XPO6: variants seen among roughly 807,000 people sequenced by gnomAD.
XPO6 encodes the protein exportin-6.
In XPO6, 3 loss-of-function variants were observed where a neutral mutation model predicts 130.0. The ratio of observed to expected loss-of-function variants is 0.02; its 90% CI spans 0.01 to 0.06. The LOEUF is 0.06. XPO6 is among the 10% of genes least tolerant of loss of function. The probability of loss-of-function intolerance (pLI) is 1.00; values close to 1 mark genes in which losing one functional copy is unlikely to be tolerated. For synonymous variants in XPO6, 524 were observed against 548.9 expected (o/e 0.95, Z 0.63); for missense variants, 970 against 1,393.0 (o/e 0.70, Z 4.83).
intron 1 of XPO6, among the ~76,000 whole-genome samples, chr16:28,205,818 A>G (rs2044019886): frequency 1.3e-5 from 2 of 152,148 alleles, no homozygotes; most frequent in South Asian, 4.2e-4. Flanking sequence ...CGGGTGGATC[A>G]TGTGAGGTCA....
At chr16:28,107,439 C>T (rs2086810486) in intron 18 of XPO6, 83 bp downstream of exon 18, 4 of 1,515,170 alleles carry the variant, frequency 2.6e-6, no homozygotes, top group Non-Finnish European at 2.7e-6. Flanking sequence ...ACTGCACCGA[C>T]TCAGTGTGTT....
intron 23 of XPO6, 147 bp from the exon 24 acceptor site, chr16:28,098,786 T>C: frequency 1.8e-6 from 1 of 562,182 alleles, no homozygotes. Flanking sequence ...TTGCACTGCG[T>C]GTCACAGAGA....
chr16:28,164,987 C>T (rs1596915504), intron 6 of XPO6, among the ~76,000 whole-genome samples: 2 of 152,246 alleles, frequency 1.3e-5, no homozygotes, highest in African/African-American at 4.8e-5. Flanking sequence ...AAGGCTGAGG[C>T]GGGTGGATAG....
At chr16:28,144,924 G>A (rs1326527934) in intron 9 of XPO6, among the ~76,000 whole-genome samples, 2 of 152,128 alleles carry the variant, frequency 1.3e-5, no homozygotes, top group African/African-American at 2.4e-5. Context: ...GCGATTCCCC[G>A]TCATGGCTTC....
chr16:28,205,280 C>T (rs1331031738), intron 1 of XPO6, among the ~76,000 whole-genome samples: 2 of 152,192 alleles, frequency 1.3e-5, no homozygotes, highest in African/African-American at 2.4e-5. Context: ...ACGCACCCAA[C>T]AAATGTTTAT....
At position 28,211,374 on chromosome 16, in the gene XPO6, C is replaced by T; in HGVS notation, c.-6G>A. On this transcript the variant is annotated 5_prime_UTR_variant, in exon 1 of 24. Coordinates refer to ENST00000304658, the MANE Select transcript of XPO6 (RefSeq NM_015171.4). ...GCTCCAATTCCACTTACCATGCTGGCCGGGGAGGGGGCGGCTCAGATGAGC... is the reference window on the plus strand; with the variant it reads ...GCTCCAATTCCACTTACCATGCTGGTCGGGGAGGGGGCGGCTCAGATGAGC... The T allele has an allele frequency of 7.6e-7, 1 of 1,312,486 alleles. No individual in the cohort carries two copies. The highest frequency in any genetic ancestry group is 9.8e-7 in the Non-Finnish European group (1 of 1,021,658). 81.3% of individuals were successfully genotyped at this position (1,312,486 alleles called of 1,614,324 possible).
intron 3 of XPO6, among the ~76,000 whole-genome samples, chr16:28,176,763 C>A (rs2141863987): frequency 6.6e-6 from 1 of 151,990 alleles, no homozygotes; most frequent in East Asian, 1.9e-4. Context: ...CCCGCCTCGG[C>A]CTCCCAAAGT....
At chr16:28,138,941 T>C (rs2042833017) in intron 9 of XPO6, among the ~76,000 whole-genome samples, 2 of 152,206 alleles carry the variant, frequency 1.3e-5, no homozygotes, top group African/African-American at 4.8e-5. Context: ...AATCGACAGA[T>C]GCCAACCTCA....
At chr16:28,122,385 G>A (rs2087266502) in intron 13 of XPO6, among the ~76,000 whole-genome samples, 2 of 152,114 alleles carry the variant, frequency 1.3e-5, no homozygotes, top group Admixed American at 6.5e-5. Flanking sequence ...ACTTTGGGAG[G>A]CCAAGGTGGG....
chr16:28,176,232 A>C, intron 3 of XPO6, 137 bp from the exon 4 acceptor site: 1 of 738,106 alleles, frequency 1.4e-6, no homozygotes, highest in South Asian at 1.9e-5. Context: ...TATGGCAATA[A>C]GAATAATAAA....
chr16:28,133,988 C>A, intron 10 of XPO6, 55 bp from the exon 11 acceptor site: 1 of 1,573,370 alleles, frequency 6.4e-7, no homozygotes, highest in South Asian at 1.1e-5. Context: ...ATCTTCCTTG[C>A]CAACCTCAAG....
intron 14 of XPO6, among the ~76,000 whole-genome samples, chr16:28,120,194 T>C (rs1316648632): frequency 1.3e-5 from 2 of 152,054 alleles, no homozygotes; most frequent in African/African-American, 2.4e-5. Context: ...ATAATCATCA[T>C]CATCATCATC....
intron 6 of XPO6, among the ~76,000 whole-genome samples, chr16:28,159,483 G>A (rs560025540): frequency 6.6e-6 from 1 of 152,214 alleles, no homozygotes; most frequent in East Asian, 1.9e-4. Context: ...TCTCAAACAC[G>A]CAAAAACTCA....
At position 28,134,958 on chromosome 16, in the gene XPO6, G is replaced by C. The variant is rs151182537; in HGVS notation, c.1443+258C>G. ...GAGGATACAGAGTTCTCACTAAACC[G>C]TTTTTCATTGTGCATATGGTTTCTC... On this transcript the variant is annotated intron_variant, in intron 10 of 23. Transcript: ENST00000304658. 4.0e-3 allele frequency among the ~76,000 whole-genome samples: 614 copies of C among 152,220 alleles called. 2 individuals carry two copies. The highest frequency in any genetic ancestry group is 5.4e-3 in the Non-Finnish European group (367 of 68,014).
chr16:28,118,802 T>C (rs898620773), intron 14 of XPO6, among the ~76,000 whole-genome samples: 1 of 152,194 alleles, frequency 6.6e-6, no homozygotes, highest in African/African-American at 2.4e-5. Context: ...TCTTCACATG[T>C]TCCCAACAGT....
chr16:28,104,206 C>A (rs1278828510), intron 21 of XPO6, among the ~76,000 whole-genome samples: 1 of 152,178 alleles, frequency 6.6e-6, no homozygotes, highest in African/African-American at 2.4e-5. Context: ...GGCAGCTCCC[C>A]GCTAAGAAGG....
intron 15 of XPO6, among the ~76,000 whole-genome samples, chr16:28,113,505 A>T (rs1440573203): frequency 6.6e-6 from 1 of 152,180 alleles, no homozygotes; most frequent in Non-Finnish European, 1.5e-5. Flanking sequence ...CCTATCAAAT[A>T]CTTGGTTCAA....
Position 28,153,945 on chromosome 16 carries a change from T to A in XPO6, c.1098-1160A>T, listed in dbSNP as rs922781623. Reference sequence around the variant, plus strand: ...GGGTGGCCAGCCTGCCTGCCTGACCTCTATGCGGCCGAGCTTATTTGCAGC... The same window carrying A: ...GGGTGGCCAGCCTGCCTGCCTGACCACTATGCGGCCGAGCTTATTTGCAGC... On this transcript the variant is annotated intron_variant, in intron 7 of 23. Coordinates refer to ENST00000304658, the MANE Select transcript of XPO6 (RefSeq NM_015171.4). 8.1e-6 allele frequency: 8 copies of A among 985,292 alleles called. No individual in the cohort carries two copies. In the African/African-American group the frequency reaches 1.4e-4, roughly 17 times the overall value. The allele number at this position is 985,292 out of a possible 1,614,324, so 61.0% of individuals were successfully genotyped here.
intron 3 of XPO6, among the ~76,000 whole-genome samples, chr16:28,176,952 T>C (rs1012353621): frequency 1.1e-4 from 17 of 152,210 alleles, no homozygotes; most frequent in South Asian, 2.1e-4. Context: ...CTTTCCTTTA[T>C]CAATGATAAC....
Sources: gnomAD v4.1 joint callset for allele counts (sites outside exome capture counted in the v4.1 genomes callset) on GRCh38, gnomAD v4.1.1 for gene constraint, MANE v1.5 for transcripts, NCBI Gene and HGNC (gene_info 2026-07-23, HGNC 2026-07-21) for gene names.